Variants in TM2D1 observed in about 807,000 individuals in gnomAD.
The protein encoded by TM2D1 is TM2 domain containing 1, also known as TM2 domain-containing protein 1.
In TM2D1, 15 loss-of-function variants were observed where a neutral mutation model predicts 28.4. The observed-to-expected ratio is 0.53, with a 90% CI of 0.35 to 0.81. The LOEUF (loss-of-function observed/expected upper bound fraction) is 0.81. TM2D1 is among the 40% of genes least tolerant of loss of function. The probability of loss-of-function intolerance (pLI) is 0.01; values close to 1 mark genes in which losing one functional copy is unlikely to be tolerated. For missense variants in TM2D1, 236 were observed against 254.9 expected (o/e 0.93, Z 0.50); for synonymous variants, 93 against 96.2 (o/e 0.97, Z 0.20).
intron 2 of TM2D1, among the ~76,000 whole-genome samples, chr1:61,723,322 G>GTC (rs1378379013): frequency 1.3e-5 from 2 of 152,208 alleles, no homozygotes; most frequent in African/African-American, 4.8e-5. Context: ...GAACTATCAG[G>GTC]TAAGTATTCA....
At chr1:61,693,849 T>C (rs1042035797) in intron 5 of TM2D1, among the ~76,000 whole-genome samples, 14 of 152,244 alleles carry the variant, frequency 9.2e-5, no homozygotes, top group Non-Finnish European at 1.5e-4. Flanking sequence ...TAAATGCTTG[T>C]TGAAATGCTG....
At position 61,694,686 on chromosome 1, in the gene TM2D1, G is replaced by A. The variant is rs374734444; in HGVS notation, c.513+11C>T. The A allele has an allele frequency of 1.1e-5, 18 of 1,584,662 alleles. No homozygotes were observed. In the African/African-American group the frequency reaches 2.2e-4, roughly 19 times the overall value. On this transcript the variant is annotated intron_variant, in intron 5 of 6. Coordinates refer to ENST00000606498, the MANE Select transcript of TM2D1 (RefSeq NM_032027.3). ...GTAAAAGTAGTTTACATTCTAGATT[G>A]AGAAACTTACCTGCATTGAAATAAG...
At chr1:61,709,496 A>C in intron 2 of TM2D1, 59 bp from the exon 3 acceptor site, 1 of 1,233,124 alleles carries the variant, frequency 8.1e-7, no homozygotes, top group Non-Finnish European at 1.2e-6. Flanking sequence ...ACAGTATGTA[A>C]TTGTTCTAAG....
At chr1:61,686,193 T>G (rs1370798247) in intron 5 of TM2D1, among the ~76,000 whole-genome samples, 1 of 152,222 alleles carries the variant, frequency 6.6e-6, no homozygotes, top group Non-Finnish European at 1.5e-5. Flanking sequence ...TTTTTAAAGT[T>G]TTAATGTCTT....
At chr1:61,690,311 G>A (rs547795796) in intron 5 of TM2D1, among the ~76,000 whole-genome samples, 3 of 151,838 alleles carry the variant, frequency 2.0e-5, no homozygotes, top group Non-Finnish European at 4.4e-5. Context: ...ACAAAAATTA[G>A]CCAGGTGTGG....
chr1:61,710,203 A>T (rs1344416662), intron 2 of TM2D1, among the ~76,000 whole-genome samples: 1 of 151,876 alleles, frequency 6.6e-6, no homozygotes, highest in African/African-American at 2.4e-5. Flanking sequence ...GCACTTTGGG[A>T]GGCTGAGATG....
In TM2D1 at chr1:61,716,315, C is replaced by A. The variant is rs1416607506; in HGVS notation, c.239-6878G>T. On this transcript the variant is annotated intron_variant, in intron 2 of 6. Coordinates refer to ENST00000606498, the MANE Select transcript of TM2D1 (RefSeq NM_032027.3). ...GCCTGGGCGACAGAGTAAGGCCTCT[C>A]TCTACTCTCCGCCAACCCCCCAACA... 2.0e-5 allele frequency among the ~76,000 whole-genome samples: 3 copies of A among 149,264 alleles called. No individual in the cohort carries two copies. The East Asian group carries it at 5.9e-4, about 29-fold the overall frequency.
In TM2D1 at chr1:61,683,533, GA is replaced by G; in HGVS notation, c.526del (p.Ser176GlnfsTer8). On this transcript the variant is annotated frameshift_variant, in exon 6 of 7. Coordinates refer to ENST00000606498, the MANE Select transcript of TM2D1 (RefSeq NM_032027.3). LOFTEE classifies it high-confidence loss of function. Reference sequence around the variant, plus strand: ...ATCTATAATGTAACTACTTCCATCTGAAGGTCCAACAATCTAGAAGAGACAA... The same window carrying G: ...ATCTATAATGTAACTACTTCCATCTGAGGTCCAACAATCTAGAAGAGACAA... ...ILISMQIVGP[S>X]DGSSYIIDYY... 6.6e-7 allele frequency: 1 copy of G among 1,507,398 alleles called. No homozygotes were observed. Among genetic ancestry groups the G allele is most frequent in the African/African-American group, 1.4e-5 (1 of 71,386 alleles). The allele number at this position is 1,507,398 out of a possible 1,614,324, so 93.4% of individuals were successfully genotyped here.
chr1:61,694,278 T>G (rs1455785400), intron 5 of TM2D1: 1 of 153,764 alleles, frequency 6.5e-6, no homozygotes, highest in Non-Finnish European at 1.4e-5. Context: ...TATAACAGAA[T>G]CCTATCAATG....
At chr1:61,689,490 C>T (rs746906537) in intron 5 of TM2D1, among the ~76,000 whole-genome samples, 1 of 152,140 alleles carries the variant, frequency 6.6e-6, no homozygotes, top group Non-Finnish European at 1.5e-5. Flanking sequence ...CAACCTCAGC[C>T]TCCTGAGCAG....
Position 61,700,994 on chromosome 1 carries a change from A to C in TM2D1, c.379T>G (p.Leu127Val), listed in dbSNP as rs369710877. ...CCCAACCATCCAAGAAAAAGAGACA[A>C]TGCGACTGCCACTTTGTAGGAATAG... ...NGYSYKVAVA[L>V]SLFLGWLGAD... The change falls in exon 4 of 7, where the codon TTG becomes GTG. Residue 127 changes from leucine to valine, a missense_variant. By Grantham distance (32) the Leu-to-Val change is conservative. Coordinates refer to ENST00000606498, the MANE Select transcript of TM2D1 (RefSeq NM_032027.3). 1.2e-6 allele frequency: 2 copies of C among 1,612,306 alleles called. No homozygotes were observed. The highest frequency in any genetic ancestry group is 3.3e-5 in the Admixed American group (2 of 59,840).
intron 2 of TM2D1, among the ~76,000 whole-genome samples, chr1:61,720,247 T>C (rs146533752): frequency 5.9e-5 from 9 of 152,178 alleles, no homozygotes; most frequent in African/African-American, 2.2e-4. Flanking sequence ...ACTTCTTTTT[T>C]TTTTTCTTTT....
rs866491167 is a variant in TM2D1, at chr1:61,691,894, G to A, written c.513+2803C>T. On this transcript the variant is annotated intron_variant, in intron 5 of 6. Coordinates refer to ENST00000606498, the MANE Select transcript of TM2D1 (RefSeq NM_032027.3). ...CAAGCCACTGCACTCCAGCCTGGGCGACGAAAACTCCATCTCAAAAAAAAC... is the reference window on the plus strand; with the variant it reads ...CAAGCCACTGCACTCCAGCCTGGGCAACGAAAACTCCATCTCAAAAAAAAC... Among the ~76,000 whole-genome samples the A allele has an allele frequency of 8.9e-4, 102 of 114,910 alleles. 1 individual carries two copies. In the Middle Eastern group the frequency reaches 0.037, roughly 42 times the overall value. 75.4% of individuals were successfully genotyped at this position (114,910 alleles called of 152,430 possible).
chr1:61,694,119 G>A (rs1644347096), intron 5 of TM2D1: 1 of 152,130 alleles, frequency 6.6e-6, no homozygotes, highest in African/African-American at 2.4e-5. Flanking sequence ...TACATTCTCA[G>A]ATTTTCTAAA....
chr1:61,681,360 A>AC lies in TM2D1; in HGVS notation c.*20-11_*20-10insG, dbSNP rs1446428490. On this transcript the variant is annotated splice_polypyrimidine_tract_variant and intron_variant, in intron 6 of 6. Transcript: ENST00000606498. ...CAAGGAGGCTCAAATCCTAAAACAG[A>AC]AAGAAGAAATACGTTAAAACACAAT... 6.6e-6 allele frequency: 1 copy of AC among 152,258 alleles called. No homozygotes were observed. The highest frequency in any genetic ancestry group is 1.5e-5 in the Non-Finnish European group (1 of 68,038). 9.4% of individuals were successfully genotyped at this position (152,258 alleles called of 1,614,324 possible). A position where few individuals can be genotyped will look rare whatever the true frequency, so the allele number is the denominator to read the frequency against.
At chr1:61,714,586 G>T (rs1182935423) in intron 2 of TM2D1, among the ~76,000 whole-genome samples, 1 of 152,114 alleles carries the variant, frequency 6.6e-6, no homozygotes, top group African/African-American at 2.4e-5. Context: ...TTGTGGCAGG[G>T]TCTTGTCACC....
chr1:61,713,920 G>A (rs1386800971), intron 2 of TM2D1, among the ~76,000 whole-genome samples: 3 of 121,526 alleles, frequency 2.5e-5, no homozygotes, highest in African/African-American at 3.2e-5. Flanking sequence ...ACGGAGTCTC[G>A]CTCTGTCGCC....
intron 2 of TM2D1, among the ~76,000 whole-genome samples, chr1:61,714,537 T>C (rs1178897564): frequency 1.3e-5 from 2 of 151,872 alleles, no homozygotes; most frequent in African/African-American, 2.4e-5. Flanking sequence ...CAAGACTCTG[T>C]CCAAAAAAAA....
At chr1:61,710,438 A>C (rs1469096320) in intron 2 of TM2D1, among the ~76,000 whole-genome samples, 2 of 131,240 alleles carry the variant, frequency 1.5e-5, no homozygotes, top group African/African-American at 5.5e-5. Context: ...AAAAAAAAAA[A>C]AAAAAAAATG....
Sources: allele counts gnomAD v4.1 joint callset (sites outside exome capture counted in the v4.1 genomes callset), GRCh38; gene constraint gnomAD v4.1.1; transcripts MANE v1.5; gene names NCBI Gene and HGNC (gene_info 2026-07-23, HGNC 2026-07-21).